MUSK: variants seen among roughly 807,000 people sequenced by gnomAD.
The protein encoded by MUSK is muscle associated receptor tyrosine kinase.
Under a neutral mutation model 88.7 loss-of-function variants are expected in MUSK, and 55 were observed. That is an observed-to-expected ratio of 0.62 (90% CI 0.50 to 0.78). MUSK has a LOEUF of 0.78. MUSK is among the 30% of genes least tolerant of loss of function. MUSK has a pLI of 0.00. For synonymous variants in MUSK, 387 were observed against 391.9 expected, an observed-to-expected ratio of 0.99 and a Z score of 0.15; for missense variants, 1,015 against 1,074.3, an observed-to-expected ratio of 0.94 and a Z score of 0.77.
rs2078097541 is a variant in MUSK at position 110,801,498 on chromosome 9, T to C, written c.*510T>C. 1 of 152,326 alleles carries C rather than the reference T, an allele frequency of 6.6e-6. No individual in the cohort carries two copies. Among genetic ancestry groups the C allele is most frequent in the Non-Finnish European group, 1.5e-5 (1 of 68,106 alleles). The allele number at this position is 152,326 out of a possible 1,614,324, so 9.4% of individuals were successfully genotyped here. A position where few individuals can be genotyped will look rare whatever the true frequency, so the allele number is the denominator to read the frequency against. Reference sequence around the variant, plus strand: ...CCCCCCAAAGACGAGTCTTAGTGTTTTATTAAATCTTTCTTGCATTTAATG... The same window carrying C: ...CCCCCCAAAGACGAGTCTTAGTGTTCTATTAAATCTTTCTTGCATTTAATG... On this transcript the variant is annotated 3_prime_UTR_variant, in exon 15 of 15. Transcript: ENST00000374448.
Position 110,800,637 on chromosome 9 carries a change from A to C in MUSK, c.2259A>C (p.Ala753=). ...DFGLSRNIYS[A]DYYKANENDA... ...GCCTCTCCAGGAACATCTACTCAGC[A>C]GACTACTACAAAGCTAATGAAAACG... The change falls in exon 15 of 15, where the codon GCA becomes GCC. Residue 753 remains alanine (A), a synonymous_variant. Coordinates refer to ENST00000374448, the MANE Select transcript of MUSK (RefSeq NM_005592.4). 2.5e-6 allele frequency: 4 copies of C among 1,613,764 alleles called. No individual in the cohort carries two copies. The highest frequency in any genetic ancestry group is 1.6e-4 in the Middle Eastern group (1 of 6,062).
At chr9:110,728,316 A>G (rs2076915483) in intron 5 of MUSK, 1 of 207,028 alleles carries the variant, frequency 4.8e-6, no homozygotes, top group Admixed American at 5.7e-5. Flanking sequence ...ACTCTAAGCT[A>G]CAAGGGGGGA....
At chr9:110,681,005 AT>A (rs2076103286) in intron 1 of MUSK, among the ~76,000 whole-genome samples, 1 of 59,000 alleles carries the variant, frequency 1.7e-5, no homozygotes, top group African/African-American at 9.5e-5. Flanking sequence ...AATATATTAT[AT>A]TATATATAAT....
intron 13 of MUSK, 21 bp from the exon 14 acceptor site, chr9:110,787,669 T>C (rs746584982): frequency 7.5e-6 from 12 of 1,608,470 alleles, no homozygotes; most frequent in Non-Finnish European, 1.0e-5. Flanking sequence ...TGGTTTCTTT[T>C]TCAATAAATG....
At chr9:110,701,564 A>C (rs4576482) in intron 5 of MUSK, among the ~76,000 whole-genome samples, 1 of 151,702 alleles carries the variant, frequency 6.6e-6, no homozygotes, top group Non-Finnish European at 1.5e-5. Context: ...ATAGCTTACT[A>C]TAGCCTCAAA....
rs75282066 is a variant in MUSK, at chr9:110,699,759, T to C, written c.628+2293T>C. 4.6e-3 allele frequency among the ~76,000 whole-genome samples: 699 copies of C among 152,254 alleles called. 3 individuals are homozygous for C. Among genetic ancestry groups the C allele is most frequent in the Admixed American group, 8.0e-3 (123 of 15,282 alleles). On this transcript the variant is annotated intron_variant, in intron 5 of 14. Transcript: ENST00000374448. ...TCGTCAGTTGGGGCAGACGAGCATATGTATGTATCAAGTCGTAACTCTGCA... is the reference window on the plus strand; with the variant it reads ...TCGTCAGTTGGGGCAGACGAGCATACGTATGTATCAAGTCGTAACTCTGCA...
rs1057401958 is a variant in MUSK at position 110,747,886 on chromosome 9, CCTTTT to C, written c.913+92_913+96del. The C allele has an allele frequency of 1.2e-4, 175 of 1,501,236 alleles. 1 individual carries two copies. Among genetic ancestry groups the C allele is most frequent in the Middle Eastern group, 6.8e-4 (4 of 5,886 alleles). 93.0% of individuals were successfully genotyped at this position (1,501,236 alleles called of 1,614,324 possible). A position where few individuals can be genotyped will look rare whatever the true frequency, so the allele number is the denominator to read the frequency against. ...AATATCGAGCATTGGAGAAAATCTC[CCTTTT>C]CTTTTATCTCTTATTTCAGTTGCAT... On this transcript the variant is annotated intron_variant, in intron 7 of 14. Transcript: ENST00000374448.
chr9:110,708,426 C>T (rs1454499364), intron 5 of MUSK, among the ~76,000 whole-genome samples: 1 of 152,038 alleles, frequency 6.6e-6, no homozygotes, highest in Non-Finnish European at 1.5e-5. Context: ...GGTCCTGTTC[C>T]CGGCATCAGT....
At chr9:110,775,989 T>C in intron 10 of MUSK, 26 bp downstream of exon 10, 1 of 1,567,530 alleles carries the variant, frequency 6.4e-7, no homozygotes, top group Non-Finnish European at 8.6e-7. Context: ...CCCAAGACTT[T>C]GGAGGTTAAG....
chr9:110,791,241 C>CCAGT, intron 14 of MUSK, among the ~76,000 whole-genome samples: 1 of 142,226 alleles, frequency 7.0e-6, no homozygotes, highest in Admixed American at 7.0e-5. Context: ...TGGGCGCAGG[C>CCAGT]CAGTGTGTGT....
At chr9:110,723,050 A>G (rs1162055864) in intron 5 of MUSK, among the ~76,000 whole-genome samples, 1 of 152,138 alleles carries the variant, frequency 6.6e-6, no homozygotes, top group African/African-American at 2.4e-5. Context: ...AGAGGAAAAG[A>G]AGTGATTATA....
chr9:110,698,280 G>T (rs1297502881), intron 5 of MUSK, among the ~76,000 whole-genome samples: 1 of 152,186 alleles, frequency 6.6e-6, no homozygotes, highest in East Asian at 1.9e-4. Context: ...ATTTAATGAA[G>T]TTAGGTGTTG....
intron 5 of MUSK, among the ~76,000 whole-genome samples, chr9:110,720,306 G>A (rs2076794854): frequency 6.6e-6 from 1 of 151,724 alleles, no homozygotes; most frequent in African/African-American, 2.4e-5. Flanking sequence ...ACAAAAAGCT[G>A]GTTCTTTGAA....
At position 110,697,359 on chromosome 9, in the gene MUSK, G is replaced by T; in HGVS notation, c.521G>T (p.Ser174Ile). The change falls in exon 5 of 15, where the codon AGC (serine) becomes ATC (isoleucine). Residue 174 changes from serine to isoleucine, a missense_variant. Ser to Ile is a moderately radical substitution (Grantham distance 142). Coordinates refer to ENST00000374448, the MANE Select transcript of MUSK (RefSeq NM_005592.4). ...CGAATTGCAGTTCTTGAATCTGGGA[G>T]CTTGAGGATTCATAACGTACAAAAG... The part of the protein sequence containing the change: ...NSRIAVLESG[S>I]LRIHNVQKED... The T allele has an allele frequency of 6.2e-7, 1 of 1,612,844 alleles. No individual in the cohort carries two copies. The highest frequency in any genetic ancestry group is 8.5e-7 in the Non-Finnish European group (1 of 1,179,220).
chr9:110,687,749 T>A (rs1189740773), intron 3 of MUSK, among the ~76,000 whole-genome samples: 1 of 152,050 alleles, frequency 6.6e-6, no homozygotes, highest in African/African-American at 2.4e-5. Context: ...ATCCCACACC[T>A]CTTATGCCTG....
chr9:110,800,362 G>A lies in MUSK; in HGVS notation c.1984G>A (p.Asp662Asn). Residue 662 changes from aspartate (D) to asparagine (N), a missense_variant, in exon 15 of 15, where the codon GAC (aspartate) becomes AAC (asparagine). Coordinates refer to ENST00000374448, the MANE Select transcript of MUSK (RefSeq NM_005592.4). ...CLLFEYMAYG[D>N]LNEFLRSMSP... The stretch of plus-strand genomic sequence containing the variant: ...GCTCTTTGAATACATGGCCTATGGT[G>A]ACCTCAATGAGTTCCTCCGCAGCAT... 1 of 1,613,866 alleles carries A rather than the reference G, an allele frequency of 6.2e-7. No homozygotes were observed. Among genetic ancestry groups the A allele is most frequent in the Non-Finnish European group, 8.5e-7 (1 of 1,179,858 alleles).
At chr9:110,776,955 G>C (rs2077681550) in intron 11 of MUSK, among the ~76,000 whole-genome samples, 1 of 152,096 alleles carries the variant, frequency 6.6e-6, no homozygotes, top group African/African-American at 2.4e-5. Context: ...AATTTAAAAT[G>C]TCACCTTTTG....
intron 11 of MUSK, among the ~76,000 whole-genome samples, chr9:110,777,758 T>C (rs534151390): frequency 2.0e-5 from 3 of 152,054 alleles, no homozygotes; most frequent in Non-Finnish European, 4.4e-5. Context: ...CAAAAAAGCA[T>C]CCACATTTCT....
intron 7 of MUSK, among the ~76,000 whole-genome samples, chr9:110,755,172 CTG>C (rs1242920164): frequency 6.6e-6 from 1 of 152,176 alleles, no homozygotes; most frequent in Non-Finnish European, 1.5e-5. Flanking sequence ...ACTCCAGAGT[CTG>C]TTAGTTCTTA....
Sources: gnomAD v4.1 joint callset for allele counts (sites outside exome capture counted in the v4.1 genomes callset) on GRCh38, gnomAD v4.1.1 for gene constraint, MANE v1.5 for transcripts, NCBI Gene and HGNC (gene_info 2026-07-23, HGNC 2026-07-21) for gene names.